FOXN3: variants seen among roughly 807,000 people sequenced by gnomAD.
The protein encoded by FOXN3 is forkhead box protein N3.
Under a neutral mutation model 38.4 loss-of-function variants are expected in FOXN3, and 7 were observed. The ratio of observed to expected loss-of-function variants is 0.18; its 90% CI spans 0.10 to 0.34. The LOEUF (loss-of-function observed/expected upper bound fraction) is 0.34, where lower values mean the gene tolerates loss of function less well. FOXN3 is among the 10% of genes least tolerant of loss of function. The pLI, the probability that FOXN3 is intolerant of heterozygous loss-of-function variation, is 1.00. For synonymous variants in FOXN3, 230 were observed against 242.2 expected (o/e 0.95, Z 0.47); for missense variants, 456 against 613.4 (o/e 0.74, Z 2.71).
chr14:89,366,459 T>C (rs938012228), intron 2 of FOXN3, among the ~76,000 whole-genome samples: 8 of 152,006 alleles, frequency 5.3e-5, no homozygotes, highest in Non-Finnish European at 2.9e-5. Flanking sequence ...AGAGGATAAA[T>C]GGTAAAGTAA....
chr14:89,562,184 C>G (rs1397033800), intron 1 of FOXN3, among the ~76,000 whole-genome samples: 2 of 152,156 alleles, frequency 1.3e-5, no homozygotes, highest in Non-Finnish European at 2.9e-5. Context: ...GTATTTTAAG[C>G]AACATACTAA....
At chr14:89,350,846 A>C in intron 2 of FOXN3, 38 bp from the exon 3 acceptor site, 1 of 1,456,804 alleles carries the variant, frequency 6.9e-7, no homozygotes, top group Non-Finnish European at 9.1e-7. Context: ...ATTAATAGAG[A>C]ATTATTAAGT....
At position 89,511,233 on chromosome 14, in the gene FOXN3, TTTCC is replaced by T. The variant is rs1566681170; in HGVS notation, c.-14-98747_-14-98744del. ...TTTCTTTCTTTCTTTCTTTCTTTTC[TTTCC>T]TTTTCTTTCTTTTCTTTCTTTCTTT... On this transcript the variant is annotated intron_variant, in intron 1 of 6. Coordinates refer to the FOXN3 transcript ENST00000345097. Among the ~76,000 whole-genome samples the T allele has an allele frequency of 8.3e-5, 2 of 24,056 alleles. 1 individual carries two copies. The highest frequency in any genetic ancestry group is 4.4e-4 in the Non-Finnish European group (2 of 4,498). 15.8% of individuals were successfully genotyped at this position (24,056 alleles called of 152,430 possible).
At chr14:89,496,303 T>C (rs1893682763) in intron 1 of FOXN3, among the ~76,000 whole-genome samples, 1 of 152,220 alleles carries the variant, frequency 6.6e-6, no homozygotes, top group Non-Finnish European at 1.5e-5. Flanking sequence ...TAACTATGGC[T>C]GGTGGTGGAA....
At chr14:89,322,955 T>C (rs953372139) in intron 3 of FOXN3, among the ~76,000 whole-genome samples, 1 of 152,106 alleles carries the variant, frequency 6.6e-6, no homozygotes. Flanking sequence ...CAAGTGGTAA[T>C]AAAAGCTAAG....
intron 1 of FOXN3, among the ~76,000 whole-genome samples, chr14:89,468,054 A>G (rs759523518): frequency 6.6e-6 from 1 of 151,332 alleles, no homozygotes. Flanking sequence ...ACATATATAC[A>G]TGCATCTACA....
chr14:89,614,042 A>C (rs1043273054), intron 1 of FOXN3, among the ~76,000 whole-genome samples: 2 of 152,226 alleles, frequency 1.3e-5, no homozygotes, highest in African/African-American at 4.8e-5. Context: ...CAATACTGCC[A>C]TTTCAGAACA....
chr14:89,288,668 CTT>C (rs778867590), intron 3 of FOXN3, among the ~76,000 whole-genome samples: 7,089 of 55,602 alleles, frequency 0.13, 658 homozygotes, highest in East Asian at 0.25. Context: ...TAGGCACTCT[CTT>C]TCTCTCTCTC....
intron 4 of FOXN3, among the ~76,000 whole-genome samples, chr14:89,246,890 A>T (rs1885316151): frequency 6.6e-6 from 1 of 152,162 alleles, no homozygotes; most frequent in Non-Finnish European, 1.5e-5. Context: ...CGGTTAGAAA[A>T]GTTCAGATCT....
At chr14:89,239,135 CA>C (rs2139864105) in intron 4 of FOXN3, among the ~76,000 whole-genome samples, 1 of 152,300 alleles carries the variant, frequency 6.6e-6, no homozygotes, top group Admixed American at 6.5e-5. Flanking sequence ...GCTTTTTCAG[CA>C]AGGAGCAGAG....
intron 4 of FOXN3, among the ~76,000 whole-genome samples, chr14:89,185,356 G>A (rs1887777019): frequency 6.6e-6 from 1 of 152,216 alleles, no homozygotes; most frequent in Admixed American, 6.5e-5. Context: ...CTCTGTTAGA[G>A]AAAGGCATTC....
chr14:89,525,666 T>C (rs1354391486), intron 1 of FOXN3, among the ~76,000 whole-genome samples: 1 of 147,814 alleles, frequency 6.8e-6, no homozygotes, highest in Non-Finnish European at 1.5e-5. Flanking sequence ...CAGGCCCAGA[T>C]AGTGTCAGTG....
In FOXN3 at chr14:89,350,652, A is replaced by C; in HGVS notation, c.680+20T>G. 1.3e-6 allele frequency: 2 copies of C among 1,493,284 alleles called. No individual in the cohort carries two copies. The highest frequency in any genetic ancestry group is 2.9e-5 in the African/African-American group (2 of 69,106). 92.5% of individuals were successfully genotyped at this position (1,493,284 alleles called of 1,614,324 possible). A position where few individuals can be genotyped will look rare whatever the true frequency, so the allele number is the denominator to read the frequency against. On this transcript the variant is annotated intron_variant, in intron 3 of 5. Transcript: ENST00000557258. ...AATGCCATTTCAGTAGACCAAAAAAAAGAAGTCTGAATTGCTTACCTTTGA... is the reference window on the plus strand; with the variant it reads ...AATGCCATTTCAGTAGACCAAAAAACAGAAGTCTGAATTGCTTACCTTTGA...
intron 3 of FOXN3, among the ~76,000 whole-genome samples, chr14:89,297,535 G>A (rs1290101102): frequency 1.3e-5 from 2 of 150,050 alleles, no homozygotes; most frequent in African/African-American, 4.9e-5. Context: ...ACTCCAGCCT[G>A]GGCAACAGAG....
At position 89,159,185 on chromosome 14, in the gene FOXN3, A is replaced by T. The variant is rs1267942431; in HGVS notation, c.*3229T>A. On this transcript the variant is annotated 3_prime_UTR_variant, in exon 6 of 6. Transcript: ENST00000557258. ...CCTTGGCTTGTTAAGGACACGGACA[A>T]CCTCATTCTCCAATAAATTCACTAC... is the stretch of plus-strand genomic sequence containing the variant. 2.0e-5 allele frequency: 3 copies of T among 152,642 alleles called. No individual in the cohort carries two copies. Among genetic ancestry groups the T allele is most frequent in the African/African-American group, 7.2e-5 (3 of 41,452 alleles). 9.5% of individuals were successfully genotyped at this position (152,642 alleles called of 1,614,324 possible). A position where few individuals can be genotyped will look rare whatever the true frequency, so the allele number is the denominator to read the frequency against.
intron 4 of FOXN3, among the ~76,000 whole-genome samples, chr14:89,185,386 C>T (rs568379801): frequency 7.2e-4 from 110 of 152,360 alleles, no homozygotes; most frequent in Non-Finnish European, 1.2e-3. Context: ...CAGTTCACTA[C>T]TCTACATTAG....
intron 3 of FOXN3, among the ~76,000 whole-genome samples, chr14:89,282,339 T>C (rs1886489670): frequency 6.6e-6 from 1 of 152,200 alleles, no homozygotes; most frequent in Non-Finnish European, 1.5e-5. Flanking sequence ...ATCTCAGCCA[T>C]GGTATTTCCC....
At chr14:89,200,234 C>T (rs1351403611) in intron 4 of FOXN3, among the ~76,000 whole-genome samples, 1 of 152,184 alleles carries the variant, frequency 6.6e-6, no homozygotes, top group African/African-American at 2.4e-5. Flanking sequence ...AATGTACGGG[C>T]TCTGAGGAAC....
chr14:89,472,900 A>G (rs1893135903), intron 1 of FOXN3, among the ~76,000 whole-genome samples: 2 of 152,204 alleles, frequency 1.3e-5, no homozygotes, highest in Non-Finnish European at 1.5e-5. Context: ...TGTGAGGTTA[A>G]TTTATCACCA....
Sources: gnomAD v4.1 joint callset for allele counts (sites outside exome capture counted in the v4.1 genomes callset) on GRCh38, gnomAD v4.1.1 for gene constraint, MANE v1.5 for transcripts, NCBI Gene and HGNC (gene_info 2026-07-23, HGNC 2026-07-21) for gene names.